GRIK2: variants seen among roughly 807,000 people sequenced by gnomAD.
The protein encoded by GRIK2 is glutamate ionotropic receptor kainate type subunit 2.
Under a neutral mutation model 100.3 loss-of-function variants are expected in GRIK2, and 32 were observed. The observed-to-expected ratio is 0.32, with a 90% CI of 0.24 to 0.43. The LOEUF (loss-of-function observed/expected upper bound fraction) is 0.43, where lower values mean the gene tolerates loss of function less well. Among genes scored for constraint, GRIK2 ranks in the 20% least tolerant of loss-of-function variants. The pLI is 1.00. For missense variants in GRIK2, 843 were observed against 1,114.9 expected (o/e 0.76, Z 3.47); for synonymous variants, 417 against 389.4 (o/e 1.07, Z -0.83).
chr6:101,998,812 C>CTT lies in GRIK2; in HGVS notation c.2086-36511_2086-36510dup, dbSNP rs755522043. ...TGTGTGAGTTTTTCTTTTTTCTTTTCTTTTTTTTTTTTTTTTTTTGAGTTG... is the reference window on the plus strand; with the variant it reads ...TGTGTGAGTTTTTCTTTTTTCTTTTCTTTTTTTTTTTTTTTTTTTTTGAGTTG... On this transcript the variant is annotated intron_variant, in intron 14 of 16. Transcript: ENST00000369134. Among the ~76,000 whole-genome samples, 415 of 110,044 alleles carry CTT rather than the reference C, an allele frequency of 3.8e-3. 5 individuals carry two copies. Among genetic ancestry groups the CTT allele is most frequent in the East Asian group, 0.012 (45 of 3,708 alleles). 72.2% of individuals were successfully genotyped at this position (110,044 alleles called of 152,430 possible).
rs147140034 is a variant in GRIK2, at chr6:101,491,577, C to A, written c.115+92185C>A. Among the ~76,000 whole-genome samples, 827 of 152,092 alleles carry A rather than the reference C, an allele frequency of 5.4e-3. 7 individuals are homozygous for A. Among genetic ancestry groups the A allele is most frequent in the African/African-American group, 0.019 (779 of 41,540 alleles). ...ACTTAAATTCAATGAATTGTCAGCA[C>A]TTTGCCAAATTTGCTTTATATTTGT... On this transcript the variant is annotated intron_variant, in intron 2 of 16. Coordinates refer to ENST00000369134, the MANE Select transcript of GRIK2 (RefSeq NM_021956.5).
rs9485509 is a variant in GRIK2, at chr6:101,559,790, A to C, written c.116-62159A>C. Among the ~76,000 whole-genome samples the C allele has an allele frequency of 8.6e-3, 1,311 of 151,976 alleles. 19 individuals are homozygous for C. Among genetic ancestry groups the C allele is most frequent in the African/African-American group, 0.03 (1,237 of 41,458 alleles). ...TTAGCTGTCACACACACCCCCACACATCCATATGCTTTGAATACAACTGCT... is the reference window on the plus strand; with the variant it reads ...TTAGCTGTCACACACACCCCCACACCTCCATATGCTTTGAATACAACTGCT... On this transcript the variant is annotated intron_variant, in intron 2 of 16. Coordinates refer to ENST00000369134, the MANE Select transcript of GRIK2 (RefSeq NM_021956.5).
At chr6:101,722,371 T>C (rs919974253) in intron 7 of GRIK2, among the ~76,000 whole-genome samples, 6 of 152,086 alleles carry the variant, frequency 3.9e-5, no homozygotes, top group African/African-American at 1.4e-4. Flanking sequence ...GTACTAATTA[T>C]GATGGCTTTA....
At chr6:101,795,136 GA>G (rs745392670) in intron 7 of GRIK2, among the ~76,000 whole-genome samples, 65 of 152,018 alleles carry the variant, frequency 4.3e-4, no homozygotes, top group Non-Finnish European at 8.5e-4. Flanking sequence ...CAAAGTGTTG[GA>G]ATTACAGATG....
intron 10 of GRIK2, among the ~76,000 whole-genome samples, chr6:101,857,987 T>A (rs1784517135): frequency 6.6e-6 from 1 of 152,182 alleles, no homozygotes. Flanking sequence ...CCATGCTGTG[T>A]CCTTGGCTTG....
Position 101,876,496 on chromosome 6 carries a change from CA to C in GRIK2, c.1525-13143del, listed in dbSNP as rs1562457870. Among the ~76,000 whole-genome samples, 71 of 151,566 alleles carry C rather than the reference CA, an allele frequency of 4.7e-4. 1 individual carries two copies. The East Asian group carries it at 0.013, about 29-fold the overall frequency. On this transcript the variant is annotated intron_variant, in intron 11 of 16. Coordinates refer to ENST00000369134, the MANE Select transcript of GRIK2 (RefSeq NM_021956.5). ...GAAAACAAAAACAAACACACACACA[CA>C]CACACACACACACACACACACAAAA... is the stretch of plus-strand genomic sequence containing the variant.
chr6:101,646,207 G>A (rs941958309), intron 4 of GRIK2, among the ~76,000 whole-genome samples: 3 of 151,842 alleles, frequency 2.0e-5, no homozygotes, highest in Admixed American at 6.6e-5. Flanking sequence ...GCACATTTGG[G>A]GAGTGAACTA....
chr6:101,786,165 T>A (rs928906279), intron 7 of GRIK2, among the ~76,000 whole-genome samples: 1 of 152,138 alleles, frequency 6.6e-6, no homozygotes, highest in South Asian at 2.1e-4. Flanking sequence ...GATTTTGTGT[T>A]CTACAACTTT....
intron 7 of GRIK2, among the ~76,000 whole-genome samples, chr6:101,701,192 A>G (rs1772868100): frequency 6.6e-6 from 1 of 152,148 alleles, no homozygotes; most frequent in Non-Finnish European, 1.5e-5. Context: ...GCATATGTTT[A>G]CAATCCTTCA....
intron 10 of GRIK2, among the ~76,000 whole-genome samples, chr6:101,854,322 C>G (rs1395769095): frequency 6.6e-6 from 1 of 152,248 alleles, no homozygotes; most frequent in East Asian, 1.9e-4. Flanking sequence ...TGCAATGGCA[C>G]AATCTCGGCT....
At chr6:101,965,318 TA>T (rs987789587) in intron 14 of GRIK2, among the ~76,000 whole-genome samples, 59 of 152,274 alleles carry the variant, frequency 3.9e-4, no homozygotes, top group African/African-American at 1.3e-3. Flanking sequence ...AAAAAATTTG[TA>T]AACCTTATTT....
chr6:101,483,507 T>G (rs1772643872), intron 2 of GRIK2, among the ~76,000 whole-genome samples: 1 of 152,220 alleles, frequency 6.6e-6, no homozygotes, highest in Non-Finnish European at 1.5e-5. Flanking sequence ...CCGTTAAAAC[T>G]TATCTAACTG....
chr6:101,830,527 A>G (rs921019428), intron 10 of GRIK2, among the ~76,000 whole-genome samples: 5 of 152,066 alleles, frequency 3.3e-5, no homozygotes, highest in African/African-American at 1.2e-4. Context: ...AAAAGGAAAT[A>G]TCCCCATTAA....
chr6:101,796,405 A>T (rs1226729824), intron 7 of GRIK2, among the ~76,000 whole-genome samples: 1 of 152,206 alleles, frequency 6.6e-6, no homozygotes. Flanking sequence ...GAGAAACCAC[A>T]TTTCTGAAGC....
At chr6:101,643,803 A>G (rs1212520399) in intron 4 of GRIK2, among the ~76,000 whole-genome samples, 1 of 151,768 alleles carries the variant, frequency 6.6e-6, no homozygotes, top group Non-Finnish European at 1.5e-5. Context: ...AAATCTATAG[A>G]TCACTTTGAG....
At chr6:101,587,506 T>G (rs1778437938) in intron 2 of GRIK2, among the ~76,000 whole-genome samples, 1 of 151,970 alleles carries the variant, frequency 6.6e-6, no homozygotes, top group Non-Finnish European at 1.5e-5. Context: ...AGAGAAAGAA[T>G]GAGGAAGCAG....
intron 7 of GRIK2, among the ~76,000 whole-genome samples, chr6:101,715,958 AT>A (rs1389623584): frequency 2.0e-5 from 3 of 151,800 alleles, no homozygotes; most frequent in Non-Finnish European, 4.4e-5. Context: ...ACACAGTGTC[AT>A]TGTTGGAAAT....
At chr6:101,817,793 T>C (rs1781724667) in intron 9 of GRIK2, among the ~76,000 whole-genome samples, 2 of 152,196 alleles carry the variant, frequency 1.3e-5, no homozygotes, top group Admixed American at 6.5e-5. Context: ...AGATCAGATT[T>C]TACTGTCTTC....
intron 11 of GRIK2, among the ~76,000 whole-genome samples, chr6:101,884,501 G>A (rs1171400194): frequency 1.3e-5 from 2 of 152,008 alleles, no homozygotes; most frequent in South Asian, 2.1e-4. Context: ...TTCAAATTTG[G>A]AGTCATTGTG....
Sources: gnomAD v4.1 joint callset for allele counts (sites outside exome capture counted in the v4.1 genomes callset) on GRCh38, gnomAD v4.1.1 for gene constraint, MANE v1.5 for transcripts, NCBI Gene and HGNC (gene_info 2026-07-23, HGNC 2026-07-21) for gene names.